Variants in TMEM181 observed in about 807,000 individuals in gnomAD.
TMEM181 encodes G protein-coupled receptor 178.
In TMEM181, 39 loss-of-function variants were observed where a neutral mutation model predicts 71.9. The ratio of observed to expected loss-of-function variants is 0.54; its 90% CI spans 0.42 to 0.71. The LOEUF (loss-of-function observed/expected upper bound fraction) is 0.71, where lower values mean the gene tolerates loss of function less well. Ranked by LOEUF, TMEM181 falls within the 30% of genes least tolerant of loss-of-function variation. The probability of loss-of-function intolerance (pLI) is 0.00; values close to 1 mark genes in which losing one functional copy is unlikely to be tolerated. For synonymous variants in TMEM181, 245 were observed against 228.8 expected (o/e 1.07, Z -0.64); for missense variants, 595 against 583.0 (o/e 1.02, Z -0.21).
chr6:158,576,828 C>T (rs4612194), intron 2 of TMEM181, among the ~76,000 whole-genome samples: 41 of 151,872 alleles, frequency 2.7e-4, no homozygotes, highest in Admixed American at 2.0e-3. Flanking sequence ...TTTGGGAGGC[C>T]GAGGTGGGTG....
intron 6 of TMEM181, among the ~76,000 whole-genome samples, chr6:158,595,075 G>C (rs1322555816): frequency 6.6e-6 from 1 of 152,192 alleles, no homozygotes; most frequent in Non-Finnish European, 1.5e-5. Context: ...TGAAAGCCAT[G>C]GGATGCATTG....
chr6:158,573,594 C>T, intron 2 of TMEM181, 71 bp downstream of exon 2: 3 of 1,282,112 alleles, frequency 2.3e-6, no homozygotes, highest in Non-Finnish European at 3.3e-6. Flanking sequence ...TTTCGGTCAG[C>T]CCAGCTGTGC....
At chr6:158,560,587 G>A (rs952718695) in intron 1 of TMEM181, among the ~76,000 whole-genome samples, 1 of 152,128 alleles carries the variant, frequency 6.6e-6, no homozygotes, top group Non-Finnish European at 1.5e-5. Flanking sequence ...CCCGCACGGA[G>A]TCCCGCCGCC....
In TMEM181 at chr6:158,633,936, T is replaced by A. The variant is rs1056021733; in HGVS notation, c.*2048T>A. 6.6e-6 allele frequency: 1 copy of A among 152,224 alleles called. No individual in the cohort carries two copies. Among genetic ancestry groups the A allele is most frequent in the African/African-American group, 2.4e-5 (1 of 41,462 alleles). The allele number at this position is 152,224 out of a possible 1,614,324, so 9.4% of individuals were successfully genotyped here. A position where few individuals can be genotyped will look rare whatever the true frequency, so the allele number is the denominator to read the frequency against. ...ATTCTGTGATATGGTTTACAACTTT[T>A]AATCATAATTGTCCATGATTTTGGA... On this transcript the variant is annotated 3_prime_UTR_variant, in exon 17 of 17. Transcript: ENST00000684151.
At chr6:158,558,093 C>G (rs554601229), upstream of TMEM181, among the ~76,000 whole-genome samples, 20 of 152,304 alleles carry the variant, frequency 1.3e-4, no homozygotes, top group East Asian at 1.9e-4. Context: ...GGAGATCTGA[C>G]AGGAAGGAAT....
At chr6:158,630,683 C>G (rs964023258) in intron 15 of TMEM181, among the ~76,000 whole-genome samples, 1 of 150,052 alleles carries the variant, frequency 6.7e-6, no homozygotes, top group Non-Finnish European at 1.5e-5. Context: ...CATCGTAAGT[C>G]AAGGAGCATC....
At chr6:158,608,781 G>A (rs1185169878) in intron 10 of TMEM181, 31 bp downstream of exon 10, 1 of 1,593,868 alleles carries the variant, frequency 6.3e-7, no homozygotes. Context: ...TGAAACTTCA[G>A]TCATGAAAAG....
rs781545017 is a variant in TMEM181 at position 158,629,791 on chromosome 6, A to T, written c.1254A>T (p.Val418=). ...LNFYLYTLAF[V]YSPSKNALYE... is the part of the protein sequence containing the mutation. ...TCTATCTCTACACCTTGGCCTTTGTATATTCTCCATCGAAGAATGCCCTCT... is the reference window on the plus strand; with the variant it reads ...TCTATCTCTACACCTTGGCCTTTGTTTATTCTCCATCGAAGAATGCCCTCT... The change falls in exon 15 of 17, where the codon GTA becomes GTT. Residue 418 remains valine, a synonymous_variant. Coordinates refer to ENST00000684151, the MANE Select transcript of TMEM181 (RefSeq NM_001376852.1). 4 of 1,613,960 alleles carry T rather than the reference A, an allele frequency of 2.5e-6. No individual in the cohort carries two copies. The African/African-American group carries it at 5.3e-5, about 22-fold the overall frequency.
chr6:158,540,724 C>T (rs1454641474), intron 1 of TMEM181, among the ~76,000 whole-genome samples: 2 of 151,564 alleles, frequency 1.3e-5, no homozygotes, highest in African/African-American at 4.8e-5. Context: ...TTGGTAAGAT[C>T]AGGATTCGCA....
upstream of TMEM181, chr6:158,559,994 C>G (rs1052128380): frequency 7.3e-6 from 7 of 961,500 alleles, no homozygotes; most frequent in Non-Finnish European, 7.4e-6. Context: ...GGGCCACCCC[C>G]CTCGCCGCGC....
At chr6:158,546,158 C>T (rs1781520681) in intron 1 of TMEM181, among the ~76,000 whole-genome samples, 1 of 152,184 alleles carries the variant, frequency 6.6e-6, no homozygotes, top group Admixed American at 6.5e-5. Context: ...CAAGCATGCT[C>T]CTGCCTCGTG....
At chr6:158,565,385 A>C (rs1234152369) in intron 1 of TMEM181, among the ~76,000 whole-genome samples, 1 of 152,124 alleles carries the variant, frequency 6.6e-6, no homozygotes, top group Admixed American at 6.5e-5. Context: ...ACATGGCTTT[A>C]CAGCTGGCCA....
chr6:158,631,282 C>T (rs368623133), intron 15 of TMEM181, 41 bp from the exon 16 acceptor site: 36 of 1,607,074 alleles, frequency 2.2e-5, no homozygotes, highest in Non-Finnish European at 2.8e-5. Context: ...AGGCTCATCA[C>T]GTCAATTGCT....
At chr6:158,560,356 G>A (rs937800757) in intron 1 of TMEM181, 124 bp downstream of exon 1, 47 of 977,062 alleles carry the variant, frequency 4.8e-5, no homozygotes, top group Non-Finnish European at 5.6e-5. Flanking sequence ...CTGGGGGCAG[G>A]GAAAAGGGCG....
At chr6:158,576,528 A>T (rs1783165157) in intron 2 of TMEM181, among the ~76,000 whole-genome samples, 1 of 152,010 alleles carries the variant, frequency 6.6e-6, no homozygotes, top group South Asian at 2.1e-4. Context: ...GACATAGAAG[A>T]CCAGGACATT....
At chr6:158,550,215 G>A (rs1781673462) in intron 1 of TMEM181, among the ~76,000 whole-genome samples, 1 of 151,690 alleles carries the variant, frequency 6.6e-6, no homozygotes, top group Non-Finnish European at 1.5e-5. Flanking sequence ...TGAAGGGACT[G>A]GCTGTGAGGC....
intron 10 of TMEM181, among the ~76,000 whole-genome samples, chr6:158,622,557 G>A (rs546058858): frequency 2.2e-4 from 34 of 152,326 alleles, no homozygotes; most frequent in African/African-American, 7.7e-4. Context: ...GGATGTCATC[G>A]TGCTATCAGA....
At chr6:158,584,694 A>G (rs1783669201) in intron 4 of TMEM181, among the ~76,000 whole-genome samples, 1 of 152,260 alleles carries the variant, frequency 6.6e-6, no homozygotes, top group African/African-American at 2.4e-5. Flanking sequence ...ATTTGAAAAG[A>G]TAACCCCATG....
rs113329885 is a variant in TMEM181 at position 158,565,703 on chromosome 6, C to G, written c.8+5471C>G. Among the ~76,000 whole-genome samples the G allele has an allele frequency of 2.0e-3, 308 of 152,336 alleles. 2 individuals carry two copies. Among genetic ancestry groups the G allele is most frequent in the African/African-American group, 6.7e-3 (280 of 41,580 alleles). On this transcript the variant is annotated intron_variant, in intron 1 of 16. Coordinates refer to ENST00000684151, the MANE Select transcript of TMEM181 (RefSeq NM_001376852.1). ...CCTGCACCATTCCTGAGGCTCAGTGCTGGCCTCTGGGGGTGGGAGGGGAGC... is the reference window on the plus strand; with the variant it reads ...CCTGCACCATTCCTGAGGCTCAGTGGTGGCCTCTGGGGGTGGGAGGGGAGC...
Sources: gnomAD v4.1 joint callset for allele counts (sites outside exome capture counted in the v4.1 genomes callset) on GRCh38, gnomAD v4.1.1 for gene constraint, MANE v1.5 for transcripts, NCBI Gene and HGNC (gene_info 2026-07-23, HGNC 2026-07-21) for gene names.